The following WNK3 variants were observed in gnomAD, a reference collection of about 807,000 sequenced individuals.
WNK3 encodes the protein WNK lysine deficient protein kinase 3, also known as serine/threonine-protein kinase WNK3.
A neutral mutation model predicts 116.7 loss-of-function variants in WNK3; 18 were observed. That is an observed-to-expected ratio of 0.15 (90% CI 0.11 to 0.23). The LOEUF (loss-of-function observed/expected upper bound fraction) is 0.23. Ranked by LOEUF, WNK3 falls within the 10% of genes least tolerant of loss-of-function variation. WNK3 has a pLI of 1.00. For synonymous variants in WNK3, 404 were observed against 469.4 expected (o/e 0.86, Z 1.80); for missense variants, 993 against 1,323.8 (o/e 0.75, Z 3.88).
intron 1 of WNK3, among the ~76,000 whole-genome samples, chrX:54,337,557 C>CAAATAAATAAATAAATAAATAAATAAAT (rs56172743): frequency 1.1e-4 from 8 of 73,883 alleles, no homozygotes; most frequent in African/African-American, 2.1e-4. Flanking sequence ...AGACTAGTCT[C>CAAATAAATAAATAAATAAATAAATAAAT]AAATAAATAA....
chrX:54,271,116 TACC>T (rs1315031489), intron 10 of WNK3, among the ~76,000 whole-genome samples: 7 of 111,663 alleles, frequency 6.3e-5, no homozygotes, highest in African/African-American at 2.3e-4. Context: ...AAAAGATCCA[TACC>T]AAGACATATA....
intron 22 of WNK3, among the ~76,000 whole-genome samples, chrX:54,211,441 C>CAA (rs1216024608): frequency 2.6e-4 from 13 of 50,501 alleles, no homozygotes; most frequent in Admixed American, 5.1e-4. Flanking sequence ...GACTCTGTCT[C>CAA]AAAAAAAAAA....
intron 10 of WNK3, among the ~76,000 whole-genome samples, chrX:54,280,053 C>G (rs2068496460): frequency 8.9e-6 from 1 of 112,374 alleles, no homozygotes; most frequent in African/African-American, 3.2e-5. Flanking sequence ...AATCCCAGCA[C>G]TTCGGGAGGC....
At chrX:54,233,135 G>T in intron 20 of WNK3, 115 bp from the exon 21 acceptor site, 1 of 559,969 alleles carries the variant, frequency 1.8e-6, no homozygotes, top group Non-Finnish European at 2.8e-6. Flanking sequence ...TAAGAATGGG[G>T]AAATAGAGAC....
At chrX:54,216,791 A>C (rs868946517) in intron 22 of WNK3, among the ~76,000 whole-genome samples, 1 of 112,254 alleles carries the variant, frequency 8.9e-6, no homozygotes, top group Non-Finnish European at 1.9e-5. Flanking sequence ...AACTCTTCTG[A>C]CCAATCATGG....
chrX:54,319,957 C>T (rs1459942220), intron 2 of WNK3, among the ~76,000 whole-genome samples: 1 of 111,955 alleles, frequency 8.9e-6, no homozygotes, highest in Non-Finnish European at 1.9e-5. Flanking sequence ...TGGGAAAATT[C>T]TGGTCTATGA....
intron 1 of WNK3, among the ~76,000 whole-genome samples, chrX:54,346,320 G>A (rs1249817352): frequency 9.9e-6 from 1 of 101,028 alleles, no homozygotes; most frequent in Non-Finnish European, 2.0e-5. Context: ...AGGCTCGGTC[G>A]GCCGGGAGTG....
exon 20 of WNK3, chrX:54,237,363 A>C: frequency 8.3e-7 from 1 of 1,208,330 alleles, no homozygotes; most frequent in Non-Finnish European, 1.1e-6. Flanking sequence ...TTTCCTGAAG[A>C]GCTTGTAACT....
chrX:54,270,595 T>C (rs1411904834), intron 10 of WNK3, among the ~76,000 whole-genome samples: 27 of 108,573 alleles, frequency 2.5e-4, no homozygotes, highest in Non-Finnish European at 2.3e-4. Flanking sequence ...TTTTAAGTTC[T>C]GGGATACATG....
At chrX:54,209,424 A>AAAAT (rs10608187) in intron 22 of WNK3, among the ~76,000 whole-genome samples, 50 of 92,951 alleles carry the variant, frequency 5.4e-4, no homozygotes, top group Non-Finnish European at 8.2e-4. Context: ...CTCTGTCTAA[A>AAAAT]AAATAAATAA....
chrX:54,310,919 A>G (rs1557169544), intron 3 of WNK3, among the ~76,000 whole-genome samples, 200 bp downstream of exon 3: 2 of 110,871 alleles, frequency 1.8e-5, no homozygotes, highest in African/African-American at 6.6e-5. Flanking sequence ...TTTGGTAGAG[A>G]CAAGGTTTCA....
intron 2 of WNK3, among the ~76,000 whole-genome samples, 199 bp downstream of exon 2, chrX:54,332,938 A>G (rs1400952128): frequency 1.8e-5 from 2 of 110,440 alleles, no homozygotes; most frequent in Non-Finnish European, 3.8e-5. Context: ...CCTTTAAAAC[A>G]GAAAAGAAAA....
At chrX:54,220,575 A>AT (rs2067750802) in intron 22 of WNK3, among the ~76,000 whole-genome samples, 1 of 110,639 alleles carries the variant, frequency 9.0e-6, no homozygotes, top group African/African-American at 3.3e-5. Context: ...TGGAATCTTT[A>AT]TTTTTTTACA....
At chrX:54,319,260 T>G (rs782157216) in intron 2 of WNK3, among the ~76,000 whole-genome samples, 5 of 111,054 alleles carry the variant, frequency 4.5e-5, no homozygotes, top group Non-Finnish European at 7.5e-5. Context: ...CCTCCCAGGT[T>G]CAAGCGATCC....
At chrX:54,230,583 C>T (rs1286772992) in intron 21 of WNK3, among the ~76,000 whole-genome samples, 1 of 112,067 alleles carries the variant, frequency 8.9e-6, no homozygotes, top group East Asian at 2.8e-4. Flanking sequence ...TAAAATGATA[C>T]AGCTGCTTGG....
chrX:54,338,581 AAATT>A (rs1453787877), intron 1 of WNK3, among the ~76,000 whole-genome samples: 1 of 109,118 alleles, frequency 9.2e-6, no homozygotes, highest in Non-Finnish European at 1.9e-5. Flanking sequence ...GTCTCAAAAA[AAATT>A]AATTAATTAA....
chrX:54,288,023 G>A (rs1368592376), intron 10 of WNK3, among the ~76,000 whole-genome samples: 1 of 112,034 alleles, frequency 8.9e-6, no homozygotes, highest in African/African-American at 3.2e-5. Context: ...CTATCCCAGA[G>A]CTTTGATAGA....
At chrX:54,205,251 CCAACCAACCAACCAACCAAA>C (rs1557142445) in intron 22 of WNK3, among the ~76,000 whole-genome samples, 3 of 90,576 alleles carry the variant, frequency 3.3e-5, no homozygotes, top group African/African-American at 5.6e-5. Flanking sequence ...AACCAACCAA[CCAACCAACCAACCAACCAAA>C]CAAACAAACA....
intron 1 of WNK3, among the ~76,000 whole-genome samples, chrX:54,353,216 TG>T (rs1343120820): frequency 3.6e-5 from 4 of 111,673 alleles, no homozygotes; most frequent in Non-Finnish European, 7.5e-5. Context: ...CCCAGCTCTT[TG>T]GGAAGTCAAG....
Sources: gnomAD v4.1 joint callset for allele counts (sites outside exome capture counted in the v4.1 genomes callset) on GRCh38, gnomAD v4.1.1 for gene constraint, MANE v1.5 for transcripts, NCBI Gene and HGNC (gene_info 2026-07-23, HGNC 2026-07-21) for gene names.